ARHGEF4: variants seen among roughly 807,000 people sequenced by gnomAD.
The protein encoded by ARHGEF4 is APC-stimulated guanine nucleotide exchange factor 1.
A neutral mutation model predicts 162.0 loss-of-function variants in ARHGEF4; 119 were observed. The observed-to-expected ratio is 0.73, with a 90% CI of 0.63 to 0.86. The LOEUF is 0.86. Ranked by LOEUF, ARHGEF4 falls within the 40% of genes least tolerant of loss-of-function variation. The pLI, the probability that ARHGEF4 is intolerant of heterozygous loss-of-function variation, is 0.00. For synonymous variants in ARHGEF4, 1,014 were observed against 979.9 expected (o/e 1.03, Z -0.65); for missense variants, 2,488 against 2,456.0 (o/e 1.01, Z -0.28).
chr2:130,917,696 G>A (rs368781049), intron 2 of ARHGEF4, among the ~76,000 whole-genome samples, 198 bp downstream of exon 2: 98 of 152,144 alleles, frequency 6.4e-4, no homozygotes, highest in African/African-American at 2.3e-3. Flanking sequence ...AAGCTAACAA[G>A]CCAGAATTGG....
Position 130,914,122 on chromosome 2 carries a change from A to G in ARHGEF4, c.176A>G (p.Gln59Arg). The G allele has an allele frequency of 6.5e-7, 1 of 1,536,188 alleles. No individual in the cohort carries two copies. Among genetic ancestry groups the G allele is most frequent in the Non-Finnish European group, 8.7e-7 (1 of 1,146,918 alleles). Residue 59 changes from glutamine (Q) to arginine (R), a missense_variant, in exon 2 of 14, where the codon CAG (glutamine) becomes CGG (arginine). Gln to Arg is a conservative substitution (Grantham distance 43). Coordinates refer to ENST00000409359, the MANE Select transcript of ARHGEF4 (RefSeq NM_001367493.1). ...DRDDSETLSQQSESGSDTKTD... is the reference protein window; with the variant it reads ...DRDDSETLSQRSESGSDTKTD... ...GATGATTCTGAAACGCTGTCCCAGC[A>G]GAGTGAAAGTGGATCAGACACAAAA... is the stretch of plus-strand genomic sequence containing the variant.
chr2:130,852,137 A>G (rs1163924603), intron 1 of ARHGEF4, among the ~76,000 whole-genome samples: 22 of 152,186 alleles, frequency 1.4e-4, no homozygotes, highest in Admixed American at 1.4e-3. Context: ...GCTCCACGGC[A>G]CACCCTGCGC....
At chr2:130,889,590 A>T (rs368237800) in intron 1 of ARHGEF4, among the ~76,000 whole-genome samples, 7 of 151,864 alleles carry the variant, frequency 4.6e-5, no homozygotes, top group East Asian at 1.9e-4. Context: ...AGGCAGGTGA[A>T]TCATGAGGTT....
intron 1 of ARHGEF4, among the ~76,000 whole-genome samples, chr2:130,854,494 G>T (rs1162818815): frequency 6.6e-6 from 1 of 152,168 alleles, no homozygotes; most frequent in Non-Finnish European, 1.5e-5. Context: ...GGAGGGTCAG[G>T]CTGCTGGCAT....
chr2:130,889,962 T>C (rs1679764484), intron 1 of ARHGEF4, among the ~76,000 whole-genome samples: 1 of 152,216 alleles, frequency 6.6e-6, no homozygotes, highest in Admixed American at 6.5e-5. Flanking sequence ...AGTCTAACTC[T>C]TTGTAAGTTA....
chr2:130,916,490 G>A lies in ARHGEF4; in HGVS notation c.2544G>A (p.Leu848=), dbSNP rs1219415820. ...CGGCCGGTCGGGACGCACCGCCTCT[G>A]CACCACGGGGACGCCAGCGCCTGGC... ...PAAAGRDAPP[L]HHGDASAWPE... Residue 848 remains leucine (L), a synonymous_variant, in exon 2 of 14, where the codon CTG becomes CTA. Transcript: ENST00000409359. 14 of 1,547,082 alleles carry A rather than the reference G, an allele frequency of 9.0e-6. No homozygotes were observed. In the East Asian group the frequency reaches 2.2e-4, roughly 24 times the overall value.
intron 4 of ARHGEF4, among the ~76,000 whole-genome samples, chr2:131,025,984 C>T (rs1689453963): frequency 1.3e-5 from 2 of 152,186 alleles, no homozygotes; most frequent in Non-Finnish European, 2.9e-5. Context: ...CCTCACGTAA[C>T]ATAACATATT....
intron 4 of ARHGEF4, among the ~76,000 whole-genome samples, chr2:130,976,738 C>A (rs1002454478): frequency 2.6e-5 from 4 of 152,214 alleles, no homozygotes; most frequent in African/African-American, 9.6e-5. Flanking sequence ...TGGCAGATGG[C>A]AGGTGCTGGC....
At position 130,916,061 on chromosome 2, in the gene ARHGEF4, G is replaced by C; in HGVS notation, c.2115G>C (p.Gln705His). 6.5e-7 allele frequency: 1 copy of C among 1,550,324 alleles called. No homozygotes were observed. The highest frequency in any genetic ancestry group is 8.7e-7 in the Non-Finnish European group (1 of 1,146,898). ...PIQGAGDGAL[Q>H]RVAQAAELGR... is the part of the protein sequence containing the mutation. ...AGGGAGCTGGCGATGGGGCTCTTCAGCGGGTGGCCCAGGCCGCAGAGCTTG... is the reference window on the plus strand; with the variant it reads ...AGGGAGCTGGCGATGGGGCTCTTCACCGGGTGGCCCAGGCCGCAGAGCTTG... Residue 705 changes from glutamine to histidine, a missense_variant, in exon 2 of 14, where the codon CAG (glutamine) becomes CAC (histidine). Coordinates refer to ENST00000409359, the MANE Select transcript of ARHGEF4 (RefSeq NM_001367493.1).
intron 1 of ARHGEF4, among the ~76,000 whole-genome samples, chr2:130,905,696 G>A (rs1185288552): frequency 6.6e-6 from 1 of 152,156 alleles, no homozygotes; most frequent in Non-Finnish European, 1.5e-5. Context: ...TTGAGAGGGA[G>A]AGAAAGAGAC....
intron 1 of ARHGEF4, among the ~76,000 whole-genome samples, chr2:130,865,771 A>G (rs1682229465): frequency 6.6e-6 from 1 of 152,128 alleles, no homozygotes; most frequent in Non-Finnish European, 1.5e-5. Flanking sequence ...GGGTCAAACA[A>G]GCTCAGTTCT....
chr2:130,987,322 G>A (rs62178929), intron 4 of ARHGEF4, among the ~76,000 whole-genome samples: 6,496 of 152,264 alleles, frequency 0.043, 153 homozygotes, highest in Middle Eastern at 0.075. Flanking sequence ...GTTGGTTCCC[G>A]CCCGGTGGGT....
intron 1 of ARHGEF4, among the ~76,000 whole-genome samples, chr2:130,853,142 C>T (rs78734930): frequency 6.6e-5 from 10 of 152,288 alleles, no homozygotes; most frequent in Admixed American, 2.6e-4. Flanking sequence ...TGAGGGACCC[C>T]GGAATCCCCA....
intron 5 of ARHGEF4, chr2:131,035,610 ACC>A: frequency 1.0e-6 from 1 of 975,776 alleles, no homozygotes; most frequent in Middle Eastern, 5.1e-4. Flanking sequence ...TGGGTGAGCG[ACC>A]CGCGCTTGCA....
intron 4 of ARHGEF4, among the ~76,000 whole-genome samples, chr2:130,990,849 G>A (rs1686902893): frequency 6.6e-6 from 1 of 151,874 alleles, no homozygotes; most frequent in African/African-American, 2.4e-5. Flanking sequence ...TGAATTATTG[G>A]TAAAGGAAAA....
Position 130,914,038 on chromosome 2 carries a change from A to G in ARHGEF4, c.92A>G (p.Gln31Arg). The part of the protein sequence containing the change: ...LPGEGEIEDN[Q>R]LPTSPAEQVE... Reference sequence around the variant, plus strand: ...GGTGAAGGTGAGATTGAAGATAACCAGCTCCCCACATCCCCTGCAGAACAA... The same window carrying G: ...GGTGAAGGTGAGATTGAAGATAACCGGCTCCCCACATCCCCTGCAGAACAA... The change falls in exon 2 of 14, where the codon CAG (glutamine) becomes CGG (arginine). Residue 31 changes from glutamine to arginine, a missense_variant. Transcript: ENST00000409359. 6.5e-7 allele frequency: 1 copy of G among 1,536,134 alleles called. No homozygotes were observed. The highest frequency in any genetic ancestry group is 8.7e-7 in the Non-Finnish European group (1 of 1,146,912).
chr2:130,917,006 A>G lies in ARHGEF4; in HGVS notation c.3060A>G (p.Pro1020=). Residue 1020 remains proline (P), a synonymous_variant, in exon 2 of 14, where the codon CCA becomes CCG. Coordinates refer to ENST00000409359, the MANE Select transcript of ARHGEF4 (RefSeq NM_001367493.1). The part of the protein sequence containing the change: ...STPLSSSLVS[P]EHRRKSEPTI... ...CTTTGTCCTCCAGTTTAGTTTCTCCAGAACACAGGAGGAAAAGTGAACCGA... is the reference window on the plus strand; with the variant it reads ...CTTTGTCCTCCAGTTTAGTTTCTCCGGAACACAGGAGGAAAAGTGAACCGA... 1 of 1,550,984 alleles carries G rather than the reference A, an allele frequency of 6.4e-7. No homozygotes were observed. Among genetic ancestry groups the G allele is most frequent in the Non-Finnish European group, 8.7e-7 (1 of 1,147,070 alleles).
chr2:130,931,121 C>T lies in ARHGEF4; in HGVS notation c.3722C>T (p.Pro1241Leu), dbSNP rs1383049756. 1.2e-6 allele frequency: 2 copies of T among 1,614,198 alleles called. No homozygotes were observed. The highest frequency in any genetic ancestry group is 4.5e-5 in the East Asian group (2 of 44,886). Residue 1241 changes from proline to leucine, a missense_variant, in exon 3 of 14, where the codon CCT (proline) becomes CTT (leucine). By Grantham distance (98) the Pro-to-Leu change is moderately conservative (BLOSUM62 -3). Coordinates refer to ENST00000409359, the MANE Select transcript of ARHGEF4 (RefSeq NM_001367493.1). ...ETVRGEAPSQ[P>L]RGIPHRSPVS... Reference sequence around the variant, plus strand: ...GTGCGTGGGGAGGCTCCTTCACAGCCTAGGGGCATCCCTCACCGCTCGCCC... The same window carrying T: ...GTGCGTGGGGAGGCTCCTTCACAGCTTAGGGGCATCCCTCACCGCTCGCCC...
intron 2 of ARHGEF4, among the ~76,000 whole-genome samples, chr2:130,928,374 C>T (rs1459199138): frequency 6.6e-6 from 1 of 152,194 alleles, no homozygotes; most frequent in Non-Finnish European, 1.5e-5. Context: ...GTTCACCATG[C>T]AGGTTTTCTT....
Sources: gnomAD v4.1 joint callset for allele counts (sites outside exome capture counted in the v4.1 genomes callset) on GRCh38, gnomAD v4.1.1 for gene constraint, MANE v1.5 for transcripts, NCBI Gene and HGNC (gene_info 2026-07-23, HGNC 2026-07-21) for gene names.